The following USF3 variants were observed in gnomAD, a reference collection of about 807,000 sequenced individuals.
The protein encoded by USF3 is basic helix-loop-helix domain-containing protein USF3.
A neutral mutation model predicts 157.5 loss-of-function variants in USF3; 29 were observed. The ratio of observed to expected loss-of-function variants is 0.18; its 90% CI spans 0.14 to 0.25. The LOEUF (loss-of-function observed/expected upper bound fraction) is 0.25. Ranked by LOEUF, USF3 falls within the 10% of genes least tolerant of loss-of-function variation. USF3 has a pLI of 1.00. For missense variants in USF3, 2,381 were observed against 2,667.6 expected (o/e 0.89, Z 2.37); for synonymous variants, 893 against 941.4 (o/e 0.95, Z 0.94).
At chr3:113,683,816 CTA>C (rs1314454268) in intron 1 of USF3, among the ~76,000 whole-genome samples, 8 of 152,176 alleles carry the variant, frequency 5.3e-5, no homozygotes, top group Admixed American at 5.2e-4. Flanking sequence ...TCTTATTACA[CTA>C]TGTCTTAAAA....
In USF3 at chr3:113,659,849, A is replaced by G. The variant is rs959083819; in HGVS notation, c.1833T>C (p.Thr611=). The part of the protein sequence containing the change: ...SVRLPINGAN[T]VIGSNNSVQN... ...GCACTGAATTATTAGACCCTATTAC[A>G]GTATTGGCTCCATTGATGGGGAGTC... is the stretch of plus-strand genomic sequence containing the variant. Residue 611 remains threonine, a synonymous_variant, in exon 7 of 7, where the codon ACT becomes ACC. Coordinates refer to ENST00000316407, the MANE Select transcript of USF3 (RefSeq NM_001009899.4). The G allele has an allele frequency of 6.2e-7, 1 of 1,614,214 alleles. No homozygotes were observed. The highest frequency in any genetic ancestry group is 8.5e-7 in the Non-Finnish European group (1 of 1,180,038).
At chr3:113,673,938 A>C (rs1356740855) in intron 3 of USF3, among the ~76,000 whole-genome samples, 1 of 152,204 alleles carries the variant, frequency 6.6e-6, no homozygotes, top group Non-Finnish European at 1.5e-5. Flanking sequence ...CCAATCTACT[A>C]AAAGCATTGA....
At chr3:113,667,536 T>C (rs1947588771) in intron 5 of USF3, among the ~76,000 whole-genome samples, 1 of 152,184 alleles carries the variant, frequency 6.6e-6, no homozygotes, top group Non-Finnish European at 1.5e-5. Flanking sequence ...GCATAGTGTG[T>C]GCCATTGTGT....
In USF3 at chr3:113,651,351, C is replaced by T. The variant is rs185541295; in HGVS notation, c.*3593G>A. On this transcript the variant is annotated 3_prime_UTR_variant, in exon 7 of 7. Coordinates refer to ENST00000316407, the MANE Select transcript of USF3 (RefSeq NM_001009899.4). ...ATACGAGGCATACTGGTTCCCAAAG[C>T]CAAGACTTGGGAATCACTGATTTGG... 1 of 152,230 alleles carries T rather than the reference C, an allele frequency of 6.6e-6. No homozygotes were observed. The highest frequency in any genetic ancestry group is 1.5e-5 in the Non-Finnish European group (1 of 68,000). The allele number at this position is 152,230 out of a possible 1,614,324, so 9.4% of individuals were successfully genotyped here.
At position 113,658,233 on chromosome 3, in the gene USF3, C is replaced by G. The variant is rs1947404487; in HGVS notation, c.3449G>C (p.Arg1150Thr). 6.2e-7 allele frequency: 1 copy of G among 1,614,040 alleles called. No homozygotes were observed. The highest frequency in any genetic ancestry group is 1.1e-5 in the South Asian group (1 of 91,090). The change falls in exon 7 of 7, where the codon AGA (arginine) becomes ACA (threonine). Residue 1150 changes from arginine to threonine, a missense_variant. By Grantham distance (71) the Arg-to-Thr change is moderately conservative. Transcript: ENST00000316407. ...IFDQENLEKG[R>T]VGLQADIREV... ...CCTTATATCAGCCTGGAGGCCAACTCTCCCCTTCTCAAGGTTCTCCTGGTC... is the reference window on the plus strand; with the variant it reads ...CCTTATATCAGCCTGGAGGCCAACTGTCCCCTTCTCAAGGTTCTCCTGGTC...
chr3:113,658,931 T>C lies in USF3; in HGVS notation c.2751A>G (p.Gln917=), dbSNP rs1160206803. 3.1e-6 allele frequency: 5 copies of C among 1,614,152 alleles called. No homozygotes were observed. The highest frequency in any genetic ancestry group is 2.2e-5 in the South Asian group (2 of 91,082). ...AKSKDSTPNL[Q]QETSQDKPPS... ...GTGGTTTATCCTGAGATGTCTCTTG[T>C]TGTAGATTAGGGGTAGAATCTTTGG... Residue 917 remains glutamine (Q), a synonymous_variant, in exon 7 of 7, where the codon CAA becomes CAG. Coordinates refer to ENST00000316407, the MANE Select transcript of USF3 (RefSeq NM_001009899.4).
rs1560171912 is a variant in USF3, at chr3:113,655,812, G to A, written c.5870C>T (p.Ser1957Phe). The A allele has an allele frequency of 6.2e-7, 1 of 1,614,186 alleles. No individual in the cohort carries two copies. Among genetic ancestry groups the A allele is most frequent in the Non-Finnish European group, 8.5e-7 (1 of 1,180,034 alleles). ...AGGGCCTTGATCGCCATTTCCATGA[G>A]ACACAGATGGATGTGGCAACGCTGG... is the stretch of plus-strand genomic sequence containing the variant. ...ARPALPHPSVSHGNGDQGPAV... is the reference protein window; with the variant it reads ...ARPALPHPSVFHGNGDQGPAV... Residue 1957 changes from serine to phenylalanine, a missense_variant, in exon 7 of 7, where the codon TCT (serine) becomes TTT (phenylalanine). This residue lies in a region of USF3 where 770 missense variants were observed against 824.2 expected (regional missense o/e 0.93). Coordinates refer to ENST00000316407, the MANE Select transcript of USF3 (RefSeq NM_001009899.4).
In USF3 at chr3:113,660,744, T is replaced by C; in HGVS notation, c.938A>G (p.Lys313Arg). ...GCAGGACTTGTTTCCATGGTGCACTTTAGTGGCAGTTGCTGAGGAGCTGTG... is the reference window on the plus strand; with the variant it reads ...GCAGGACTTGTTTCCATGGTGCACTCTAGTGGCAGTTGCTGAGGAGCTGTG... ...IPHSSSATAT[K>R]VHHGNKSCLS... Residue 313 changes from lysine to arginine, a missense_variant, in exon 7 of 7, where the codon AAA becomes AGA. Coordinates refer to ENST00000316407, the MANE Select transcript of USF3 (RefSeq NM_001009899.4). 1 of 1,614,196 alleles carries C rather than the reference T, an allele frequency of 6.2e-7. No homozygotes were observed. The highest frequency in any genetic ancestry group is 8.5e-7 in the Non-Finnish European group (1 of 1,180,028).
intron 1 of USF3, among the ~76,000 whole-genome samples, chr3:113,695,772 T>C (rs755109192): frequency 3.9e-5 from 6 of 152,216 alleles, no homozygotes; most frequent in Non-Finnish European, 5.9e-5. Context: ...CCAGGAATCT[T>C]ATATTTCATC....
intron 1 of USF3, among the ~76,000 whole-genome samples, chr3:113,693,199 T>C (rs926112413): frequency 5.3e-5 from 8 of 152,316 alleles, no homozygotes; most frequent in African/African-American, 1.9e-4. Context: ...ACAAATACAA[T>C]GTTAGGTCCC....
chr3:113,653,072 GAAAGA>G lies in USF3; in HGVS notation c.*1867_*1871del, dbSNP rs1045999324. 2 of 292,222 alleles carry G rather than the reference GAAAGA, an allele frequency of 6.8e-6. No individual in the cohort carries two copies. Among genetic ancestry groups the G allele is most frequent in the Non-Finnish European group, 1.2e-5 (2 of 166,338 alleles). 18.1% of individuals were successfully genotyped at this position (292,222 alleles called of 1,614,324 possible). On this transcript the variant is annotated 3_prime_UTR_variant, in exon 7 of 7. Coordinates refer to ENST00000316407, the MANE Select transcript of USF3 (RefSeq NM_001009899.4). ...GAGTCTCAAAAAAAAAAGAAAAGAA[GAAAGA>G]AAAGAAAAGCTGGTCCTTGAGTTCA...
intron 5 of USF3, among the ~76,000 whole-genome samples, chr3:113,665,497 T>A (rs1947550106): frequency 6.6e-6 from 1 of 152,246 alleles, no homozygotes; most frequent in South Asian, 2.1e-4. Context: ...TCCTTTATTC[T>A]CATGTCCAAT....
At chr3:113,678,842 G>A (rs896428824) in intron 1 of USF3, among the ~76,000 whole-genome samples, 8 of 151,836 alleles carry the variant, frequency 5.3e-5, no homozygotes, top group Admixed American at 2.0e-4. Context: ...CAAACTTCTG[G>A]CTCTCAAACT....
chr3:113,667,633 G>A lies in USF3; in HGVS notation c.159+2488C>T, dbSNP rs146646793. Among the ~76,000 whole-genome samples, 720 of 152,230 alleles carry A rather than the reference G, an allele frequency of 4.7e-3. 9 individuals are homozygous for A. The highest frequency in any genetic ancestry group is 0.016 in the African/African-American group (684 of 41,528). ...TGTAATCCCAGCACTTTGGGAGGCC[G>A]AGGTGGGTGGATCACTTGAGGTCAG... On this transcript the variant is annotated intron_variant, in intron 5 of 6. Transcript: ENST00000316407.
At position 113,659,258 on chromosome 3, in the gene USF3, G is replaced by T; in HGVS notation, c.2424C>A (p.Asn808Lys). Reference sequence around the variant, plus strand: ...CTGAATTCAGGGGACACGCTGACTTGTTTGCTGCTAAGTGTTTCCTGCCAC... The same window carrying T: ...CTGAATTCAGGGGACACGCTGACTTTTTTGCTGCTAAGTGTTTCCTGCCAC... ...KPGGRKHLAA[N>K]KSACPLNSVR... Residue 808 changes from asparagine to lysine, a missense_variant, in exon 7 of 7, where the codon AAC becomes AAA. Coordinates refer to ENST00000316407, the MANE Select transcript of USF3 (RefSeq NM_001009899.4). 1.2e-6 allele frequency: 2 copies of T among 1,614,164 alleles called. No individual in the cohort carries two copies. Among genetic ancestry groups the T allele is most frequent in the Non-Finnish European group, 1.7e-6 (2 of 1,180,036 alleles).
At position 113,692,873 on chromosome 3, in the gene USF3, A is replaced by C. The variant is rs149053433; in HGVS notation, c.-135+3497T>G. Among the ~76,000 whole-genome samples the C allele has an allele frequency of 2.0e-3, 298 of 152,352 alleles. 2 individuals carry two copies. Among genetic ancestry groups the C allele is most frequent in the African/African-American group, 6.6e-3 (274 of 41,580 alleles). ...GACAGTTAACCACGTTTCTTTTAGC[A>C]AGAGTTCCACAAATATTTTATGAAT... On this transcript the variant is annotated intron_variant, in intron 1 of 6. Coordinates refer to ENST00000316407, the MANE Select transcript of USF3 (RefSeq NM_001009899.4).
intron 1 of USF3, among the ~76,000 whole-genome samples, chr3:113,684,017 C>T (rs969441626): frequency 2.0e-5 from 3 of 152,206 alleles, no homozygotes; most frequent in Admixed American, 2.0e-4. Context: ...GAACTCCCTT[C>T]AGCATTTCTG....
In USF3 at chr3:113,648,533, C is replaced by T. The variant is rs1947204598; in HGVS notation, c.*6411G>A. 1 of 152,400 alleles carries T rather than the reference C, an allele frequency of 6.6e-6. No individual in the cohort carries two copies. Among genetic ancestry groups the T allele is most frequent in the African/African-American group, 2.4e-5 (1 of 41,342 alleles). 9.4% of individuals were successfully genotyped at this position (152,400 alleles called of 1,614,324 possible). A position where few individuals can be genotyped will look rare whatever the true frequency, so the allele number is the denominator to read the frequency against. On this transcript the variant is annotated 3_prime_UTR_variant, in exon 7 of 7. Transcript: ENST00000316407. Reference sequence around the variant, plus strand: ...AGAGGATGGTTCAGAATATTCACACCCTAATACAATGCATTTGTAAAAAGA... The same window carrying T: ...AGAGGATGGTTCAGAATATTCACACTCTAATACAATGCATTTGTAAAAAGA...
At chr3:113,673,865 G>A (rs1209306022) in intron 3 of USF3, among the ~76,000 whole-genome samples, 1 of 152,166 alleles carries the variant, frequency 6.6e-6, no homozygotes, top group Non-Finnish European at 1.5e-5. Context: ...CAGACAAGTG[G>A]CATCTGAGCT....
Sources: allele counts gnomAD v4.1 joint callset (sites outside exome capture counted in the v4.1 genomes callset), GRCh38; gene constraint gnomAD v4.1.1; regional missense constraint gnomAD v4.1.1; transcripts MANE v1.5; gene names NCBI Gene and HGNC (gene_info 2026-07-23, HGNC 2026-07-21).